ATRNL1: variants seen among roughly 807,000 people sequenced by gnomAD.
The protein encoded by ATRNL1 is attractin-like protein 1.
In ATRNL1, 95 loss-of-function variants were observed where a neutral mutation model predicts 182.7. The observed-to-expected ratio is 0.52, with a 90% CI of 0.44 to 0.62. The LOEUF is 0.62. Ranked by LOEUF, ATRNL1 falls within the 20% of genes least tolerant of loss-of-function variation. The pLI is 0.00. For missense variants in ATRNL1, 1,471 were observed against 1,679.5 expected, an observed-to-expected ratio of 0.88 and a Z score of 2.17; for synonymous variants, 576 against 568.3, an observed-to-expected ratio of 1.01 and a Z score of -0.19.
Position 115,945,087 on chromosome 10 carries a change from A to T in ATRNL1, c.*308A>T, listed in dbSNP as rs184558277. On this transcript the variant is annotated 3_prime_UTR_variant, in exon 29 of 29. Coordinates refer to ENST00000355044, the MANE Select transcript of ATRNL1 (RefSeq NM_207303.4). ...AAGATGAAAAATATGTAATTCATATAAATCAACTGTTTATATCCCAAGACT... is the reference window on the plus strand; with the variant it reads ...AAGATGAAAAATATGTAATTCATATTAATCAACTGTTTATATCCCAAGACT... 2.0e-4 allele frequency: 37 copies of T among 188,422 alleles called. No individual in the cohort carries two copies. The highest frequency in any genetic ancestry group is 3.5e-4 in the Non-Finnish European group (32 of 92,558). 11.7% of individuals were successfully genotyped at this position (188,422 alleles called of 1,614,324 possible). A position where few individuals can be genotyped will look rare whatever the true frequency, so the allele number is the denominator to read the frequency against.
chr10:115,832,062 A>G (rs971402822), intron 27 of ATRNL1, among the ~76,000 whole-genome samples: 2 of 152,208 alleles, frequency 1.3e-5, no homozygotes, highest in East Asian at 3.9e-4. Flanking sequence ...TGAGGTAAAT[A>G]AAGGGGGAAA....
chr10:115,708,068 A>G (rs1397640381), intron 26 of ATRNL1, among the ~76,000 whole-genome samples: 3 of 151,612 alleles, frequency 2.0e-5, no homozygotes, highest in Non-Finnish European at 4.4e-5. Flanking sequence ...ATTATATATA[A>G]TGAAATTTAT....
At chr10:115,890,550 A>G (rs567457131) in intron 28 of ATRNL1, among the ~76,000 whole-genome samples, 1 of 152,092 alleles carries the variant, frequency 6.6e-6, no homozygotes, top group African/African-American at 2.4e-5. Flanking sequence ...TTGTTATTTC[A>G]CATATTTTTT....
intron 19 of ATRNL1, among the ~76,000 whole-genome samples, chr10:115,385,051 ATACTT>A (rs1564983952): frequency 6.6e-6 from 1 of 151,954 alleles, no homozygotes; most frequent in Non-Finnish European, 1.5e-5. Context: ...TCTTGGGTAA[ATACTT>A]TAGAGTGGAA....
chr10:115,168,167 T>C (rs1003376285), intron 7 of ATRNL1, among the ~76,000 whole-genome samples: 16 of 152,174 alleles, frequency 1.1e-4, no homozygotes, highest in African/African-American at 3.4e-4. Context: ...ACTTCTTCAT[T>C]CCTTTTTATG....
chr10:115,285,964 C>A (rs941096355), intron 14 of ATRNL1, among the ~76,000 whole-genome samples: 2 of 151,900 alleles, frequency 1.3e-5, no homozygotes, highest in Non-Finnish European at 2.9e-5. Context: ...CACAGAAAAC[C>A]TAGCAGTCAA....
intron 27 of ATRNL1, among the ~76,000 whole-genome samples, chr10:115,803,601 T>G (rs537845091): frequency 1.3e-5 from 2 of 151,040 alleles, no homozygotes; most frequent in East Asian, 1.9e-4. Flanking sequence ...TTTTTTGTGT[T>G]TTTTTTTTAA....
intron 27 of ATRNL1, among the ~76,000 whole-genome samples, chr10:115,763,382 C>G (rs1198281288): frequency 5.9e-5 from 9 of 151,794 alleles, no homozygotes; most frequent in African/African-American, 1.9e-4. Context: ...TCTCTGTGAA[C>G]AAAAAGAAAA....
intron 27 of ATRNL1, among the ~76,000 whole-genome samples, chr10:115,756,635 T>G (rs1948596652): frequency 1.3e-5 from 2 of 152,162 alleles, no homozygotes. Context: ...AAATGTATAT[T>G]CTGTTGATTT....
chr10:115,265,830 G>A (rs1375909438), intron 11 of ATRNL1, among the ~76,000 whole-genome samples: 2 of 151,646 alleles, frequency 1.3e-5, no homozygotes, highest in Non-Finnish European at 3.0e-5. Context: ...GCAAAAATTT[G>A]GTAATTTGGA....
chr10:115,342,957 A>G (rs1554938811), intron 19 of ATRNL1, among the ~76,000 whole-genome samples: 1 of 152,108 alleles, frequency 6.6e-6, no homozygotes, highest in Non-Finnish European at 1.5e-5. Context: ...CCCGGCCCAT[A>G]AGGTTTCCAC....
Position 115,777,654 on chromosome 10 carries a change from T to A in ATRNL1, c.3903+50299T>A, listed in dbSNP as rs993466542. Among the ~76,000 whole-genome samples, 71 of 152,118 alleles carry A rather than the reference T, an allele frequency of 4.7e-4. 1 individual carries two copies. The highest frequency in any genetic ancestry group is 1.6e-3 in the African/African-American group (67 of 41,406). ...TACAATTCTAACTGAATATACTGTTTTCAAATAAACAGTTCATTTAACAAA... is the reference window on the plus strand; with the variant it reads ...TACAATTCTAACTGAATATACTGTTATCAAATAAACAGTTCATTTAACAAA... On this transcript the variant is annotated intron_variant, in intron 27 of 28. Coordinates refer to ENST00000355044, the MANE Select transcript of ATRNL1 (RefSeq NM_207303.4).
chr10:115,527,135 C>G (rs1037539221), intron 25 of ATRNL1, among the ~76,000 whole-genome samples: 5 of 150,328 alleles, frequency 3.3e-5, no homozygotes, highest in Non-Finnish European at 5.9e-5. Flanking sequence ...TTTTTTCCCC[C>G]CCGAGATAGG....
intron 25 of ATRNL1, among the ~76,000 whole-genome samples, chr10:115,521,386 C>T (rs1489441983): frequency 6.6e-6 from 1 of 152,066 alleles, no homozygotes; most frequent in East Asian, 1.9e-4. Flanking sequence ...CTCCTGACCT[C>T]AGATGATCTG....
intron 26 of ATRNL1, among the ~76,000 whole-genome samples, chr10:115,689,330 C>T (rs1395235148): frequency 1.3e-5 from 2 of 152,048 alleles, no homozygotes; most frequent in African/African-American, 4.8e-5. Flanking sequence ...TGTTGAGATG[C>T]ATTATTAGAT....
chr10:115,328,168 C>T (rs1855015798), intron 18 of ATRNL1, among the ~76,000 whole-genome samples: 1 of 151,732 alleles, frequency 6.6e-6, no homozygotes, highest in African/African-American at 2.4e-5. Context: ...TTTTTAATAA[C>T]ATTATTGTAA....
intron 9 of ATRNL1, among the ~76,000 whole-genome samples, chr10:115,236,909 TCCTC>T (rs1286759939): frequency 6.6e-6 from 1 of 152,188 alleles, no homozygotes; most frequent in Admixed American, 6.5e-5. Context: ...GCTTATCTCT[TCCTC>T]CCTCCAAACT....
At chr10:115,148,012 T>C (rs1846047254) in intron 5 of ATRNL1, among the ~76,000 whole-genome samples, 1 of 152,198 alleles carries the variant, frequency 6.6e-6, no homozygotes, top group Non-Finnish European at 1.5e-5. Flanking sequence ...CTATGGTAGT[T>C]TGCATTGACT....
At chr10:115,210,319 G>T (rs782279604) in intron 8 of ATRNL1, among the ~76,000 whole-genome samples, 2 of 151,746 alleles carry the variant, frequency 1.3e-5, no homozygotes, top group Non-Finnish European at 2.9e-5. Context: ...ATCTTACTTA[G>T]AAATTCCCAG....
Sources: gnomAD v4.1 joint callset for allele counts (sites outside exome capture counted in the v4.1 genomes callset) on GRCh38, gnomAD v4.1.1 for gene constraint, MANE v1.5 for transcripts, NCBI Gene and HGNC (gene_info 2026-07-23, HGNC 2026-07-21) for gene names.